PHLPP1: variants seen among roughly 807,000 people sequenced by gnomAD.
PHLPP1 encodes PH domain leucine-rich repeat-containing protein phosphatase 1.
A neutral mutation model predicts 117.2 loss-of-function variants in PHLPP1; 42 were observed. That is an observed-to-expected ratio of 0.36 (90% CI 0.28 to 0.46). PHLPP1 has a LOEUF of 0.46. Among genes scored for constraint, PHLPP1 ranks in the 20% least tolerant of loss-of-function variants. The pLI is 1.00. For synonymous variants in PHLPP1, 1,042 were observed against 970.7 expected (o/e 1.07, Z -1.37); for missense variants, 2,084 against 2,241.9 (o/e 0.93, Z 1.42).
intron 1 of PHLPP1, among the ~76,000 whole-genome samples, chr18:62,805,087 G>T (rs1489233121): frequency 2.2e-5 from 3 of 138,782 alleles, no homozygotes; most frequent in Non-Finnish European, 4.7e-5. Flanking sequence ...AGTATAATAT[G>T]CACTGCATAG....
chr18:62,873,575 A>C (rs1472166785), intron 4 of PHLPP1, among the ~76,000 whole-genome samples: 1 of 152,228 alleles, frequency 6.6e-6, no homozygotes, highest in East Asian at 1.9e-4. Flanking sequence ...TTGTAAGTAA[A>C]TTGGTATAGA....
chr18:62,928,597 A>T (rs945036018), intron 10 of PHLPP1, among the ~76,000 whole-genome samples: 1 of 152,192 alleles, frequency 6.6e-6, no homozygotes. Flanking sequence ...TGGAAAACAG[A>T]TTGTCAGTTC....
intron 14 of PHLPP1, among the ~76,000 whole-genome samples, chr18:62,964,293 TAA>T (rs1215883933): frequency 6.6e-6 from 1 of 152,182 alleles, no homozygotes; most frequent in Non-Finnish European, 1.5e-5. Flanking sequence ...GGAAAGTTTT[TAA>T]AAAGTCTCCC....
intron 5 of PHLPP1, among the ~76,000 whole-genome samples, chr18:62,895,548 C>T (rs2144398926): frequency 6.6e-6 from 1 of 152,254 alleles, no homozygotes; most frequent in South Asian, 2.1e-4. Flanking sequence ...CCCATTTAAG[C>T]CTATTCAAAT....
At chr18:62,940,349 C>CTTTTTTTTT (rs1568168241) in intron 10 of PHLPP1, among the ~76,000 whole-genome samples, 1 of 72,064 alleles carries the variant, frequency 1.4e-5, no homozygotes, top group Non-Finnish European at 2.9e-5. Flanking sequence ...CTTTTTCTTT[C>CTTTTTTTTT]TTTTCTTTTT....
chr18:62,772,427 T>C (rs1912812046), intron 1 of PHLPP1, among the ~76,000 whole-genome samples: 1 of 152,180 alleles, frequency 6.6e-6, no homozygotes, highest in South Asian at 2.1e-4. Flanking sequence ...TGTTTTAAGA[T>C]ACAGGAAAAG....
intron 1 of PHLPP1, among the ~76,000 whole-genome samples, chr18:62,719,036 G>T (rs887646615): frequency 6.6e-6 from 1 of 152,112 alleles, no homozygotes; most frequent in Non-Finnish European, 1.5e-5. Flanking sequence ...ATCTTAAAAT[G>T]TTTGGCATGA....
intron 1 of PHLPP1, among the ~76,000 whole-genome samples, chr18:62,811,778 G>C (rs1386583163): frequency 6.6e-6 from 1 of 152,012 alleles, no homozygotes; most frequent in Non-Finnish European, 1.5e-5. Context: ...CATCTATTTG[G>C]AATGGGTTTA....
At chr18:62,736,694 T>G (rs1003116165) in intron 1 of PHLPP1, among the ~76,000 whole-genome samples, 1 of 152,178 alleles carries the variant, frequency 6.6e-6, no homozygotes, top group Admixed American at 6.5e-5. Flanking sequence ...TGCTGAGGCA[T>G]GAGTTTGAAA....
At chr18:62,954,094 A>G (rs573197826) in intron 12 of PHLPP1, among the ~76,000 whole-genome samples, 4 of 152,310 alleles carry the variant, frequency 2.6e-5, no homozygotes, top group African/African-American at 7.2e-5. Context: ...TTTCTTTAAG[A>G]TATAATGACT....
intron 10 of PHLPP1, among the ~76,000 whole-genome samples, chr18:62,921,289 T>C (rs1471801218): frequency 6.6e-6 from 1 of 152,252 alleles, no homozygotes; most frequent in Non-Finnish European, 1.5e-5. Flanking sequence ...ACGTTAAATT[T>C]AATTTTGCTT....
chr18:62,761,538 C>A (rs1278454042), intron 1 of PHLPP1, among the ~76,000 whole-genome samples: 1 of 151,978 alleles, frequency 6.6e-6, no homozygotes, highest in African/African-American at 2.4e-5. Flanking sequence ...GAGGCTGAGG[C>A]ATGAGAATGG....
intron 3 of PHLPP1, among the ~76,000 whole-genome samples, chr18:62,859,542 C>G (rs914594724): frequency 6.6e-6 from 1 of 152,168 alleles, no homozygotes; most frequent in Non-Finnish European, 1.5e-5. Context: ...AAGTTTGTAG[C>G]AGACAGGCAA....
At chr18:62,911,991 T>C (rs1224655440) in intron 8 of PHLPP1, among the ~76,000 whole-genome samples, 8 of 62,172 alleles carry the variant, frequency 1.3e-4, no homozygotes, top group Non-Finnish European at 9.5e-5. Context: ...GATGAGTTCA[T>C]GTCCTTTGTA....
intron 12 of PHLPP1, among the ~76,000 whole-genome samples, chr18:62,957,252 C>T (rs1210613560): frequency 2.0e-5 from 3 of 152,192 alleles, no homozygotes; most frequent in African/African-American, 7.2e-5. Flanking sequence ...AGGGCAGCCC[C>T]TCTTTTTACA....
chr18:62,741,474 T>C (rs1388746008), intron 1 of PHLPP1, among the ~76,000 whole-genome samples: 1 of 152,094 alleles, frequency 6.6e-6, no homozygotes, highest in African/African-American at 2.4e-5. Context: ...CTCTGCCTTT[T>C]CAGAAGCTTA....
chr18:62,906,213 T>G (rs1916843524), intron 8 of PHLPP1: 1 of 152,236 alleles, frequency 6.6e-6, no homozygotes, highest in South Asian at 2.1e-4. Context: ...CTTAGCTATT[T>G]TAATAATCTA....
intron 1 of PHLPP1, among the ~76,000 whole-genome samples, chr18:62,728,549 G>A (rs1911142447): frequency 6.6e-6 from 1 of 150,654 alleles, no homozygotes; most frequent in Non-Finnish European, 1.5e-5. Flanking sequence ...TGCCACCCAG[G>A]CAGGAGTGCA....
intron 4 of PHLPP1, among the ~76,000 whole-genome samples, chr18:62,877,513 G>A (rs1417549895): frequency 6.6e-6 from 1 of 152,226 alleles, no homozygotes; most frequent in African/African-American, 2.4e-5. Flanking sequence ...CAGCACAAAT[G>A]CTGCTCAGGG....
Sources: gnomAD v4.1 joint callset for allele counts (sites outside exome capture counted in the v4.1 genomes callset) on GRCh38, gnomAD v4.1.1 for gene constraint, MANE v1.5 for transcripts, NCBI Gene and HGNC (gene_info 2026-07-23, HGNC 2026-07-21) for gene names.